The following C9orf40 variants were observed in gnomAD, a reference collection of about 807,000 sequenced individuals.
The protein encoded by C9orf40 is uncharacterized protein C9orf40.
Under a neutral mutation model 7.9 loss-of-function variants are expected in C9orf40, and 2 were observed. That is an observed-to-expected ratio of 0.25 (90% confidence interval 0.10 to 0.80). The LOEUF is 0.80. Among genes scored for constraint, C9orf40 ranks in the 30% least tolerant of loss-of-function variants. The pLI, the probability that C9orf40 is intolerant of heterozygous loss-of-function variation, is 0.68. For missense variants in C9orf40, 256 were observed against 268.5 expected, an observed-to-expected ratio of 0.95 and a Z score of 0.33; for synonymous variants, 113 against 117.6, an observed-to-expected ratio of 0.96 and a Z score of 0.25.
rs766448633 is a variant in C9orf40, at chr9:74,952,303, G to C, written c.309C>G (p.Pro103=). ...GCTCCTCCCCCGGCCCCGGCAGTAC[G>C]GGCGGCGGCGGCAGCGGCGGATCGC... ...ETGDPPLPPP[P]VLPGPGEELP... Residue 103 remains proline, a synonymous_variant, in exon 1 of 2, where the codon CCC becomes CCG. Coordinates refer to ENST00000376854, the MANE Select transcript of C9orf40 (RefSeq NM_017998.3). The surrounding 1 kb of genome is among the most constrained non-coding windows in gnomAD (Gnocchi z 5.4). The C allele has an allele frequency of 2.9e-6, 4 of 1,364,322 alleles. No individual in the cohort carries two copies. Among genetic ancestry groups the C allele is most frequent in the South Asian group, 1.8e-5 (1 of 54,624 alleles). The allele number at this position is 1,364,322 out of a possible 1,614,324, so 84.5% of individuals were successfully genotyped here. A position where few individuals can be genotyped will look rare whatever the true frequency, so the allele number is the denominator to read the frequency against.
Position 74,952,438 on chromosome 9 carries a change from G to C in C9orf40, c.174C>G (p.Ile58Met). The C allele has an allele frequency of 1.2e-6, 2 of 1,600,474 alleles. No homozygotes were observed. The highest frequency in any genetic ancestry group is 1.7e-6 in the Non-Finnish European group (2 of 1,178,114). Residue 58 changes from isoleucine (I) to methionine (M), a missense_variant, in exon 1 of 2, where the codon ATC becomes ATG. Physicochemically the swap from Ile to Met is conservative, Grantham distance 10 (BLOSUM62 1). Coordinates refer to ENST00000376854, the MANE Select transcript of C9orf40 (RefSeq NM_017998.3). The surrounding 1 kb of genome is among the most constrained non-coding windows in gnomAD (Gnocchi z 5.4). ...AGGGCTCTGCCATGGTCCCTGCGTC[G>C]ATTTTGCGCTTTCGGTGCTGCTCTG... ...GVPEQHRKRKIDAGTMAEPSA... is the reference protein window; with the variant it reads ...GVPEQHRKRKMDAGTMAEPSA...
In C9orf40 at chr9:74,952,553, A is replaced by G; in HGVS notation, c.59T>C (p.Leu20Pro). ...VTFHVPWKRL[L>P]LCDFAEQPPP... Reference sequence around the variant, plus strand: ...CGGCTGCTCAGCGAAGTCGCAAAGCAGGAGCCGCTTCCAAGGCACGTGGAA... The same window carrying G: ...CGGCTGCTCAGCGAAGTCGCAAAGCGGGAGCCGCTTCCAAGGCACGTGGAA... The change falls in exon 1 of 2, where the codon CTG becomes CCG. Residue 20 changes from leucine to proline, a missense_variant. Leu to Pro is a moderately conservative substitution (Grantham distance 98). Coordinates refer to ENST00000376854, the MANE Select transcript of C9orf40 (RefSeq NM_017998.3). The surrounding 1 kb of genome is among the most constrained non-coding windows in gnomAD (Gnocchi z 5.4). The G allele has an allele frequency of 6.3e-7, 1 of 1,587,646 alleles. No homozygotes were observed. Among genetic ancestry groups the G allele is most frequent in the South Asian group, 1.1e-5 (1 of 89,478 alleles).
chr9:74,951,297 TTTC>T (rs1832292936), intron 1 of C9orf40, among the ~76,000 whole-genome samples: 3 of 149,394 alleles, frequency 2.0e-5, no homozygotes, highest in Non-Finnish European at 4.5e-5. Context: ...TTTCTTTTCT[TTTC>T]TTTTTTTTTG....
chr9:74,951,959 C>G lies in C9orf40; in HGVS notation c.426+227G>C, dbSNP rs1414239034. Among the ~76,000 whole-genome samples, 8 of 152,356 alleles carry G rather than the reference C, an allele frequency of 5.3e-5. No homozygotes were observed. The East Asian group carries it at 1.5e-3, about 29-fold the overall frequency. ...CGCCGCAAGGCCACTTCTATCGCTCCCGACCACGGTCTGTTTCCCCCTCGC... is the reference window on the plus strand; with the variant it reads ...CGCCGCAAGGCCACTTCTATCGCTCGCGACCACGGTCTGTTTCCCCCTCGC... On this transcript the variant is annotated intron_variant, in intron 1 of 1. Transcript: ENST00000376854.
At position 74,952,640 on chromosome 9, in the gene C9orf40, A is replaced by C. The variant is rs756979958; in HGVS notation, c.-29T>G. ...CCCAGAGGCTCGGGCGGAGCCCGCC[A>C]GGCGCGGGAGACCGAGTGCCGATAG... On this transcript the variant is annotated 5_prime_UTR_variant, in exon 1 of 2. Transcript: ENST00000376854. The surrounding 1 kb of genome is among the most constrained non-coding windows in gnomAD (Gnocchi z 5.4). The C allele has an allele frequency of 6.6e-7, 1 of 1,518,438 alleles. No homozygotes were observed. 94.1% of individuals were successfully genotyped at this position (1,518,438 alleles called of 1,614,324 possible).
intron 1 of C9orf40, among the ~76,000 whole-genome samples, chr9:74,949,519 G>C (rs774416943): frequency 2.0e-5 from 3 of 152,190 alleles, no homozygotes; most frequent in Non-Finnish European, 4.4e-5. Flanking sequence ...GAAATACCCT[G>C]AAGTTCCGGG....
Position 74,948,004 on chromosome 9 carries a change from A to G in C9orf40, c.*44T>C. On this transcript the variant is annotated 3_prime_UTR_variant, in exon 2 of 2. Transcript: ENST00000376854. ...TAAGAATACGAGAATTCACTTAGAGACATCTCCTCAAATCAGCCAATCCCA... is the reference window on the plus strand; with the variant it reads ...TAAGAATACGAGAATTCACTTAGAGGCATCTCCTCAAATCAGCCAATCCCA... 1.9e-6 allele frequency: 3 copies of G among 1,560,416 alleles called. No homozygotes were observed. The highest frequency in any genetic ancestry group is 1.7e-6 in the Non-Finnish European group (2 of 1,147,876).
At position 74,952,450 on chromosome 9, in the gene C9orf40, T is replaced by C. The variant is rs757371196; in HGVS notation, c.162A>G (p.Arg54=). 1.2e-6 allele frequency: 2 copies of C among 1,600,518 alleles called. No individual in the cohort carries two copies. The highest frequency in any genetic ancestry group is 1.7e-6 in the Non-Finnish European group (2 of 1,178,366). Residue 54 remains arginine, a synonymous_variant, in exon 1 of 2, where the codon CGA becomes CGG. Transcript: ENST00000376854. This position sits in a 1 kb window ranked among gnomAD's most constrained non-coding sequence, Gnocchi z 5.4. ...GQLLGVPEQH[R]KRKIDAGTMA... ...TGGTCCCTGCGTCGATTTTGCGCTT[T>C]CGGTGCTGCTCTGGGACGCCGAGGA...
At position 74,952,397 on chromosome 9, in the gene C9orf40, T is replaced by C; in HGVS notation, c.215A>G (p.Lys72Arg). 1 of 1,581,422 alleles carries C rather than the reference T, an allele frequency of 6.3e-7. No individual in the cohort carries two copies. The highest frequency in any genetic ancestry group is 1.1e-5 in the South Asian group (1 of 87,394). ...TMAEPSASPS[K>R]RRDSGDNSAP... ...GCTGTTGTCCCCGCTGTCACGGCGC[T>C]TGCTGGGCGAAGCCGAGGGCTCTGC... Residue 72 changes from lysine to arginine, a missense_variant, in exon 1 of 2, where the codon AAG becomes AGG. Physicochemically the swap from Lys to Arg is conservative, Grantham distance 26. Transcript: ENST00000376854. This position sits in a 1 kb window ranked among gnomAD's most constrained non-coding sequence, Gnocchi z 5.4.
At position 74,952,347 on chromosome 9, in the gene C9orf40, C is replaced by T. The variant is rs779447831; in HGVS notation, c.265G>A (p.Asp89Asn). The T allele has an allele frequency of 3.9e-6, 6 of 1,527,052 alleles. No homozygotes were observed. Among genetic ancestry groups the T allele is most frequent in the African/African-American group, 2.8e-5 (2 of 70,184 alleles). 94.6% of individuals were successfully genotyped at this position (1,527,052 alleles called of 1,614,324 possible). A position where few individuals can be genotyped will look rare whatever the true frequency, so the allele number is the denominator to read the frequency against. The change falls in exon 1 of 2, where the codon GAC becomes AAC. Residue 89 changes from aspartate to asparagine, a missense_variant. Physicochemically the swap from Asp to Asn is conservative, Grantham distance 23. Coordinates refer to ENST00000376854, the MANE Select transcript of C9orf40 (RefSeq NM_017998.3). The surrounding 1 kb of genome is among the most constrained non-coding windows in gnomAD (Gnocchi z 5.4). ...NSAPSGQERE[D>N]HGLETGDPPL... is the part of the protein sequence containing the mutation. The stretch of plus-strand genomic sequence containing the variant: ...GGATCGCCTGTCTCCAGACCGTGGT[C>T]CTCACGCTCCTGGCCGCTCGGGGCG...
chr9:74,952,754 G>A lies in C9orf40; in HGVS notation c.-143C>T. 2 of 716,224 alleles carry A rather than the reference G, an allele frequency of 2.8e-6. No homozygotes were observed. The highest frequency in any genetic ancestry group is 4.0e-5 in the South Asian group (2 of 50,080). The allele number at this position is 716,224 out of a possible 1,614,324, so 44.4% of individuals were successfully genotyped here. A position where few individuals can be genotyped will look rare whatever the true frequency, so the allele number is the denominator to read the frequency against. ...AGGCGACAGGACGCTGGAGGGGGTAGGGCGGGGCAGCTCGCGCAGGGCCTA... is the reference window on the plus strand; with the variant it reads ...AGGCGACAGGACGCTGGAGGGGGTAAGGCGGGGCAGCTCGCGCAGGGCCTA... On this transcript the variant is annotated 5_prime_UTR_variant, in exon 1 of 2. Transcript: ENST00000376854. The surrounding 1 kb of genome is among the most constrained non-coding windows in gnomAD (Gnocchi z 5.4).
rs537896351 is a variant in C9orf40 at position 74,946,805 on chromosome 9, C to G, written c.*1243G>C. 2.0e-5 allele frequency: 3 copies of G among 152,268 alleles called. No individual in the cohort carries two copies. Among genetic ancestry groups the G allele is most frequent in the South Asian group, 2.1e-4 (1 of 4,826 alleles). 9.4% of individuals were successfully genotyped at this position (152,268 alleles called of 1,614,324 possible). On this transcript the variant is annotated 3_prime_UTR_variant, in exon 2 of 2. Coordinates refer to ENST00000376854, the MANE Select transcript of C9orf40 (RefSeq NM_017998.3). ...ATTACACAAAAAAAATCAAGTTTTT[C>G]TCTTTCCCTCTCAATGGCATTTACC... is the stretch of plus-strand genomic sequence containing the variant.
At chr9:74,949,963 C>T (rs1293748687) in intron 1 of C9orf40, among the ~76,000 whole-genome samples, 1 of 150,172 alleles carries the variant, frequency 6.7e-6, no homozygotes, top group Non-Finnish European at 1.5e-5. Flanking sequence ...GCCTGGGTAA[C>T]ATGGCAAAAC....
At position 74,952,660 on chromosome 9, in the gene C9orf40, C is replaced by G; in HGVS notation, c.-49G>C. The G allele has an allele frequency of 2.7e-6, 4 of 1,474,790 alleles. No individual in the cohort carries two copies. Among genetic ancestry groups the G allele is most frequent in the Non-Finnish European group, 1.8e-6 (2 of 1,109,312 alleles). The allele number at this position is 1,474,790 out of a possible 1,614,324, so 91.4% of individuals were successfully genotyped here. ...CCGCCAGGCGCGGGAGACCGAGTGC[C>G]GATAGCTGCGGGGGGCGAAGAGCGA... On this transcript the variant is annotated 5_prime_UTR_variant, in exon 1 of 2. Coordinates refer to ENST00000376854, the MANE Select transcript of C9orf40 (RefSeq NM_017998.3). This position sits in a 1 kb window ranked among gnomAD's most constrained non-coding sequence, Gnocchi z 5.4.
At position 74,947,979 on chromosome 9, in the gene C9orf40, TAAG is replaced by T. The variant is rs1832259773; in HGVS notation, c.*66_*68del. 6.9e-7 allele frequency: 1 copy of T among 1,449,232 alleles called. No homozygotes were observed. Among genetic ancestry groups the T allele is most frequent in the Non-Finnish European group, 9.4e-7 (1 of 1,062,382 alleles). The allele number at this position is 1,449,232 out of a possible 1,614,324, so 89.8% of individuals were successfully genotyped here. ...CAAGTATGGAAAATAACTTTTCCCT[TAAG>T]AATACGAGAATTCACTTAGAGACAT... On this transcript the variant is annotated 3_prime_UTR_variant, in exon 2 of 2. Coordinates refer to ENST00000376854, the MANE Select transcript of C9orf40 (RefSeq NM_017998.3).
chr9:74,950,776 A>C (rs1276430177), intron 1 of C9orf40, among the ~76,000 whole-genome samples: 1 of 152,148 alleles, frequency 6.6e-6, no homozygotes, highest in African/African-American at 2.4e-5. Context: ...AGCTGAAGAG[A>C]ATTTGGTGAA....
rs1253733108 is a variant in C9orf40, at chr9:74,952,751, G to A, written c.-140C>T. 4 of 748,642 alleles carry A rather than the reference G, an allele frequency of 5.3e-6. No homozygotes were observed. Among genetic ancestry groups the A allele is most frequent in the Non-Finnish European group, 6.2e-6 (3 of 485,238 alleles). 46.4% of individuals were successfully genotyped at this position (748,642 alleles called of 1,614,324 possible). On this transcript the variant is annotated 5_prime_UTR_variant, in exon 1 of 2. Transcript: ENST00000376854. The surrounding 1 kb of genome is among the most constrained non-coding windows in gnomAD (Gnocchi z 5.4). ...AGGAGGCGACAGGACGCTGGAGGGG[G>A]TAGGGCGGGGCAGCTCGCGCAGGGC...
Position 74,947,710 on chromosome 9 carries a change from TAGG to T in C9orf40, c.*335_*337del, listed in dbSNP as rs1587634866. On this transcript the variant is annotated 3_prime_UTR_variant, in exon 2 of 2. Coordinates refer to ENST00000376854, the MANE Select transcript of C9orf40 (RefSeq NM_017998.3). ...CCACAAATAAACTTTTTGGTGCAGA[TAGG>T]AGGAATATTTGAGTTTTTCCCACCT... The T allele has an allele frequency of 5.7e-6, 1 of 175,370 alleles. No individual in the cohort carries two copies. The highest frequency in any genetic ancestry group is 6.1e-5 in the Admixed American group (1 of 16,462). 10.9% of individuals were successfully genotyped at this position (175,370 alleles called of 1,614,324 possible). A position where few individuals can be genotyped will look rare whatever the true frequency, so the allele number is the denominator to read the frequency against.
Position 74,952,842 on chromosome 9 carries a change from C to T in C9orf40, c.-231G>A, listed in dbSNP as rs1423737326. The T allele has an allele frequency of 1.7e-5, 8 of 482,202 alleles. No individual in the cohort carries two copies. Among genetic ancestry groups the T allele is most frequent in the Non-Finnish European group, 2.5e-5 (7 of 274,928 alleles). The allele number at this position is 482,202 out of a possible 1,614,324, so 29.9% of individuals were successfully genotyped here. ...AGCCCTCGCCGCCGCCGAGATGCGG[C>T]CCGGACGTTGAGAAGCAACCGCGAA... is the stretch of plus-strand genomic sequence containing the variant. On this transcript the variant is annotated 5_prime_UTR_variant, in exon 1 of 2. Coordinates refer to ENST00000376854, the MANE Select transcript of C9orf40 (RefSeq NM_017998.3). This position sits in a 1 kb window ranked among gnomAD's most constrained non-coding sequence, Gnocchi z 5.4.
Sources: gnomAD v4.1 joint callset for allele counts (sites outside exome capture counted in the v4.1 genomes callset) on GRCh38, gnomAD v4.1.1 for gene constraint, Gnocchi (gnomAD v3.1) non-coding constraint, MANE v1.5 for transcripts, NCBI Gene and HGNC (gene_info 2026-07-23, HGNC 2026-07-21) for gene names.